Variants in LRRTM4 observed in about 807,000 individuals in gnomAD.
LRRTM4 encodes the protein leucine rich repeat transmembrane neuronal 4.
In LRRTM4, 25 loss-of-function variants were observed where a neutral mutation model predicts 47.6. The ratio of observed to expected loss-of-function variants is 0.53; its 90% CI spans 0.38 to 0.73. The LOEUF (loss-of-function observed/expected upper bound fraction) is 0.73. Among genes scored for constraint, LRRTM4 ranks in the 30% least tolerant of loss-of-function variants. The probability of loss-of-function intolerance (pLI) is 0.00; values close to 1 mark genes in which losing one functional copy is unlikely to be tolerated. For missense variants in LRRTM4, 638 were observed against 713.4 expected, an observed-to-expected ratio of 0.89 and a Z score of 1.20; for synonymous variants, 311 against 269.5, an observed-to-expected ratio of 1.15 and a Z score of -1.51.
intron 3 of LRRTM4, among the ~76,000 whole-genome samples, chr2:77,209,384 T>C (rs767459435): frequency 6.6e-6 from 1 of 151,342 alleles, no homozygotes; most frequent in Admixed American, 6.6e-5. Context: ...AGCTCCTAAT[T>C]GGCATTCAGA....
intron 3 of LRRTM4, among the ~76,000 whole-genome samples, chr2:77,103,757 T>A (rs1224043278): frequency 1.3e-5 from 2 of 149,468 alleles, no homozygotes; most frequent in African/African-American, 4.9e-5. Context: ...ACAGGAAAAA[T>A]TGATTCAAAG....
rs776915486 is a variant in LRRTM4, at chr2:77,100,419, C to T, written c.1552-351503G>A. ...CTTCAACGATGGAGCGCATTGCCTC[C>T]GAGTTGAATCATACCTTTAGCTCTA... On this transcript the variant is annotated intron_variant, in intron 3 of 3. Coordinates refer to ENST00000409884, the MANE Select transcript of LRRTM4 (RefSeq NM_001134745.3). Among the ~76,000 whole-genome samples the T allele has an allele frequency of 4.3e-4, 65 of 152,230 alleles. 1 individual carries two copies. The highest frequency in any genetic ancestry group is 8.5e-4 in the Admixed American group (13 of 15,292).
chr2:77,198,339 T>C (rs1411233391), intron 3 of LRRTM4, among the ~76,000 whole-genome samples: 1 of 152,174 alleles, frequency 6.6e-6, no homozygotes, highest in Non-Finnish European at 1.5e-5. Flanking sequence ...GGGAGTTCTG[T>C]CCTTTCTCAT....
chr2:76,905,343 C>A (rs913409160), intron 3 of LRRTM4, among the ~76,000 whole-genome samples: 3 of 152,118 alleles, frequency 2.0e-5, no homozygotes, highest in Non-Finnish European at 2.9e-5. Flanking sequence ...ACCAAAATCC[C>A]ATCTGTACAT....
intron 3 of LRRTM4, among the ~76,000 whole-genome samples, chr2:76,861,037 GT>G (rs1250572317): frequency 6.6e-6 from 1 of 151,908 alleles, no homozygotes; most frequent in African/African-American, 2.4e-5. Flanking sequence ...TAGTTTTTCT[GT>G]TTTTTCCCTT....
intron 3 of LRRTM4, among the ~76,000 whole-genome samples, chr2:77,326,258 T>A (rs975476823): frequency 5.3e-5 from 8 of 152,226 alleles, no homozygotes; most frequent in African/African-American, 1.9e-4. Flanking sequence ...GTTTCTCACA[T>A]CATGTAAAAC....
intron 3 of LRRTM4, among the ~76,000 whole-genome samples, chr2:77,478,118 C>G (rs776921751): frequency 6.6e-6 from 1 of 152,038 alleles, no homozygotes; most frequent in Non-Finnish European, 1.5e-5. Flanking sequence ...CAAAAGCTGT[C>G]CCTGTTATTA....
intron 3 of LRRTM4, among the ~76,000 whole-genome samples, chr2:77,440,592 T>G (rs893789193): frequency 5.9e-5 from 9 of 152,206 alleles, no homozygotes; most frequent in Non-Finnish European, 1.2e-4. Context: ...AAATGAAAAC[T>G]CAGTAGCTTC....
intron 3 of LRRTM4, among the ~76,000 whole-genome samples, chr2:77,136,053 C>T (rs955597110): frequency 6.6e-6 from 1 of 152,126 alleles, no homozygotes; most frequent in Non-Finnish European, 1.5e-5. Flanking sequence ...GGAACAGCTT[C>T]AGTCTACAGC....
At chr2:76,876,335 C>T (rs1297029770) in intron 3 of LRRTM4, among the ~76,000 whole-genome samples, 3 of 152,112 alleles carry the variant, frequency 2.0e-5, no homozygotes, top group African/African-American at 7.2e-5. Context: ...AAATTGCCTA[C>T]AACCTTGCAT....
At chr2:77,266,488 G>A (rs992522675) in intron 3 of LRRTM4, among the ~76,000 whole-genome samples, 2 of 152,010 alleles carry the variant, frequency 1.3e-5, no homozygotes, top group African/African-American at 2.4e-5. Flanking sequence ...ACAAAGAGCA[G>A]ATATCAGAAG....
intron 3 of LRRTM4, among the ~76,000 whole-genome samples, chr2:76,959,447 G>GA (rs368351240): frequency 0.021 from 3,115 of 150,132 alleles, 90 homozygotes; most frequent in African/African-American, 0.067. Context: ...TATTTCTGGG[G>GA]AAAAAAAACA....
At chr2:77,469,170 T>G (rs554784071) in intron 3 of LRRTM4, among the ~76,000 whole-genome samples, 1 of 152,116 alleles carries the variant, frequency 6.6e-6, no homozygotes, top group East Asian at 1.9e-4. Context: ...CCTAAGCATT[T>G]ACATTTGGGG....
chr2:76,951,352 CT>C (rs1294242776), intron 3 of LRRTM4, among the ~76,000 whole-genome samples: 1 of 151,900 alleles, frequency 6.6e-6, no homozygotes, highest in Non-Finnish European at 1.5e-5. Context: ...TCACTTTTTT[CT>C]AGGTATCGGA....
intron 3 of LRRTM4, among the ~76,000 whole-genome samples, chr2:76,831,671 G>T (rs1010213433): frequency 6.6e-6 from 1 of 152,068 alleles, no homozygotes; most frequent in Admixed American, 6.6e-5. Context: ...ATGGTGTAAT[G>T]AATATGTTCA....
chr2:77,376,205 C>T (rs1425096936), intron 3 of LRRTM4, among the ~76,000 whole-genome samples: 1 of 151,514 alleles, frequency 6.6e-6, no homozygotes, highest in African/African-American at 2.4e-5. Context: ...AACAGTATAT[C>T]TAACTAAGTG....
At chr2:77,477,883 G>GAAAA (rs1677474273) in intron 3 of LRRTM4, among the ~76,000 whole-genome samples, 1 of 93,804 alleles carries the variant, frequency 1.1e-5, no homozygotes, top group African/African-American at 4.2e-5. Context: ...GAAAGAAAGA[G>GAAAA]AAAGAAAGAA....
At chr2:77,270,339 A>G (rs1228593091) in intron 3 of LRRTM4, among the ~76,000 whole-genome samples, 2 of 152,210 alleles carry the variant, frequency 1.3e-5, no homozygotes, top group Non-Finnish European at 2.9e-5. Context: ...CCCTTTCTTT[A>G]CACTCACTAA....
chr2:77,363,993 A>G (rs1426565956), intron 3 of LRRTM4, among the ~76,000 whole-genome samples: 1 of 152,146 alleles, frequency 6.6e-6, no homozygotes, highest in Non-Finnish European at 1.5e-5. Context: ...CACAGTTACG[A>G]AATTACTGAA....
Sources: gnomAD v4.1 joint callset for allele counts (sites outside exome capture counted in the v4.1 genomes callset) on GRCh38, gnomAD v4.1.1 for gene constraint, MANE v1.5 for transcripts, NCBI Gene and HGNC (gene_info 2026-07-23, HGNC 2026-07-21) for gene names.